The following BTBD7 variants were observed in gnomAD, a reference collection of about 807,000 sequenced individuals.
BTBD7 encodes BTB/POZ domain-containing protein 7.
Under a neutral mutation model 99.9 loss-of-function variants are expected in BTBD7, and 38 were observed. That is an observed-to-expected ratio of 0.38 (90% CI 0.29 to 0.50). The LOEUF (loss-of-function observed/expected upper bound fraction) is 0.50. Among genes scored for constraint, BTBD7 ranks in the 20% least tolerant of loss-of-function variants. BTBD7 has a pLI of 0.93. For missense variants in BTBD7, 1,170 were observed against 1,394.6 expected, an observed-to-expected ratio of 0.84 and a Z score of 2.57; for synonymous variants, 520 against 511.4, an observed-to-expected ratio of 1.02 and a Z score of -0.23.
intron 3 of BTBD7, among the ~76,000 whole-genome samples, chr14:93,270,542 A>C (rs756508722): frequency 6.6e-6 from 1 of 152,006 alleles, no homozygotes; most frequent in Non-Finnish European, 1.5e-5. Flanking sequence ...AAAATACAAG[A>C]ATTAGCTGGG....
At chr14:93,316,826 C>A (rs1020262636) in intron 1 of BTBD7, among the ~76,000 whole-genome samples, 1 of 152,006 alleles carries the variant, frequency 6.6e-6, no homozygotes, top group South Asian at 2.1e-4. Context: ...TGAGAAAATG[C>A]CCATGTAACA....
At chr14:93,268,060 C>G (rs748530562) in intron 3 of BTBD7, among the ~76,000 whole-genome samples, 2 of 152,208 alleles carry the variant, frequency 1.3e-5, no homozygotes, top group Non-Finnish European at 2.9e-5. Flanking sequence ...CCCAGCCCAT[C>G]CCTGCGCAGA....
rs770210125 is a variant in BTBD7 at position 93,251,608 on chromosome 14, G to A, written c.1797C>T (p.Arg599=). The change falls in exon 8 of 11, where the codon CGC becomes CGT. Residue 599 remains arginine, a synonymous_variant. Transcript: ENST00000334746. ...CATTGGACATTCTAACCATTCGCAA[G>A]CGCACAAGATCCGTTTGTTCCACCA... is the stretch of plus-strand genomic sequence containing the variant. The part of the protein sequence containing the change: ...EMMVEQTDLV[R]LRMVRMSNVP... The A allele has an allele frequency of 1.2e-6, 2 of 1,613,446 alleles. No homozygotes were observed. The highest frequency in any genetic ancestry group is 1.3e-5 in the African/African-American group (1 of 75,022).
chr14:93,285,645 C>G (rs1052500291), intron 3 of BTBD7, among the ~76,000 whole-genome samples: 1 of 152,122 alleles, frequency 6.6e-6, no homozygotes, highest in Admixed American at 6.5e-5. Flanking sequence ...AAAAAATTAC[C>G]AATGAATGGT....
chr14:93,281,166 C>CTTTT (rs566864647), intron 3 of BTBD7, among the ~76,000 whole-genome samples: 5 of 138,094 alleles, frequency 3.6e-5, no homozygotes, highest in East Asian at 2.1e-4. Flanking sequence ...ATGCCTGGCT[C>CTTTT]TTTTTTTTTT....
rs2052218279 is a variant in BTBD7, at chr14:93,240,910, T to C, written c.*1363A>G. On this transcript the variant is annotated 3_prime_UTR_variant, in exon 11 of 11. Coordinates refer to ENST00000334746, the MANE Select transcript of BTBD7 (RefSeq NM_001002860.4). ...CCTTTTTTCTGTTGGTGAGAAAGCA[T>C]TATGCATTACACAACACCAAAATTT... 6.6e-6 allele frequency: 1 copy of C among 152,632 alleles called. No homozygotes were observed. The highest frequency in any genetic ancestry group is 2.1e-4 in the South Asian group (1 of 4,828). 9.5% of individuals were successfully genotyped at this position (152,632 alleles called of 1,614,324 possible).
At chr14:93,301,214 A>AG (rs1453254038) in intron 1 of BTBD7, among the ~76,000 whole-genome samples, 1 of 151,224 alleles carries the variant, frequency 6.6e-6, no homozygotes, top group Non-Finnish European at 1.5e-5. Flanking sequence ...TTTTTGAGAC[A>AG]GAATTTCATT....
chr14:93,264,459 C>T (rs1481691584), intron 3 of BTBD7, among the ~76,000 whole-genome samples: 2 of 152,154 alleles, frequency 1.3e-5, no homozygotes, highest in Non-Finnish European at 2.9e-5. Context: ...GAAAACATAG[C>T]ACCTTGCATT....
intron 1 of BTBD7, among the ~76,000 whole-genome samples, chr14:93,301,455 G>C: frequency 6.6e-6 from 1 of 152,054 alleles, no homozygotes; most frequent in East Asian, 1.9e-4. Flanking sequence ...CCTCCCAAAT[G>C]CTGGGATTAC....
At chr14:93,330,133 T>C (rs1491002215) in intron 1 of BTBD7, among the ~76,000 whole-genome samples, 2 of 152,222 alleles carry the variant, frequency 1.3e-5, no homozygotes, top group Non-Finnish European at 2.9e-5. Context: ...CAGGTTTACC[T>C]TCCTGGTTTA....
chr14:93,331,504 C>G (rs967554491), intron 1 of BTBD7, among the ~76,000 whole-genome samples: 2 of 152,186 alleles, frequency 1.3e-5, no homozygotes, highest in Admixed American at 6.5e-5. Flanking sequence ...AAAGCAATTT[C>G]AAGTCTTTCT....
intron 3 of BTBD7, among the ~76,000 whole-genome samples, chr14:93,276,520 G>C (rs1035456278): frequency 3.6e-4 from 55 of 152,198 alleles, no homozygotes; most frequent in Non-Finnish European, 1.6e-4. Flanking sequence ...TTAAAAAAAA[G>C]TACCACCAGG....
intron 3 of BTBD7, among the ~76,000 whole-genome samples, chr14:93,264,916 A>G (rs980072649): frequency 1.8e-4 from 28 of 152,168 alleles, no homozygotes; most frequent in Non-Finnish European, 3.7e-4. Context: ...TCTGGCCAAC[A>G]TGGTGAAACC....
At position 93,294,927 on chromosome 14, in the gene BTBD7, G is replaced by C; in HGVS notation, c.93C>G (p.Ser31=). The C allele has an allele frequency of 1.3e-6, 2 of 1,548,844 alleles. No individual in the cohort carries two copies. Among genetic ancestry groups the C allele is most frequent in the Non-Finnish European group, 1.7e-6 (2 of 1,152,682 alleles). Reference sequence around the variant, plus strand: ...CGCAACCATAGCCTTGCTGAGAATAGGATGAGGTCCCTAAGAAAAAAATTA... The same window carrying C: ...CGCAACCATAGCCTTGCTGAGAATACGATGAGGTCCCTAAGAAAAAAATTA... ...QAQQTFIGTS[S]YSQQGYGCES... The change falls in exon 3 of 11, where the codon TCC becomes TCG. Residue 31 remains serine, a synonymous_variant. Transcript: ENST00000334746.
intron 3 of BTBD7, among the ~76,000 whole-genome samples, chr14:93,265,978 A>C (rs1240090846): frequency 3.9e-5 from 6 of 152,210 alleles, no homozygotes; most frequent in Non-Finnish European, 8.8e-5. Context: ...AGTATGTTTC[A>C]AAATCTTCAG....
rs10548430 is a variant in BTBD7, at chr14:93,290,511, CTTTTTTTTTTT to C, written c.1162+3336_1162+3346del. Among the ~76,000 whole-genome samples the C allele has an allele frequency of 6.1e-3, 466 of 76,550 alleles. 15 individuals are homozygous for C. The South Asian group carries it at 0.13, about 22-fold the overall frequency. 50.2% of individuals were successfully genotyped at this position (76,550 alleles called of 152,430 possible). A position where few individuals can be genotyped will look rare whatever the true frequency, so the allele number is the denominator to read the frequency against. ...ACAGGCGTGACCCACTGCACTTGGC[CTTTTTTTTTTT>C]TTTTTTTTTTTTTAAGACAAAGTCT... On this transcript the variant is annotated intron_variant, in intron 3 of 10. Coordinates refer to ENST00000334746, the MANE Select transcript of BTBD7 (RefSeq NM_001002860.4).
intron 3 of BTBD7, among the ~76,000 whole-genome samples, chr14:93,281,240 G>T (rs965180985): frequency 6.6e-6 from 1 of 150,436 alleles, no homozygotes; most frequent in African/African-American, 2.5e-5. Flanking sequence ...GGACTCAAGC[G>T]ATCTGCCTGC....
In BTBD7 at chr14:93,242,086, TAAAA is replaced by T. The variant is rs780432278; in HGVS notation, c.*183_*186del. The T allele has an allele frequency of 8.2e-6, 4 of 486,358 alleles. No homozygotes were observed. The highest frequency in any genetic ancestry group is 7.1e-6 in the Non-Finnish European group (2 of 282,416). 30.1% of individuals were successfully genotyped at this position (486,358 alleles called of 1,614,324 possible). ...AAGACAAATTAGACAGATGCAACAT[TAAAA>T]AAAAAAAACAAAACCTTCTTAGCAT... On this transcript the variant is annotated 3_prime_UTR_variant, in exon 11 of 11. Coordinates refer to ENST00000334746, the MANE Select transcript of BTBD7 (RefSeq NM_001002860.4).
At chr14:93,275,657 C>G (rs2052647482) in intron 3 of BTBD7, among the ~76,000 whole-genome samples, 1 of 152,158 alleles carries the variant, frequency 6.6e-6, no homozygotes, top group Non-Finnish European at 1.5e-5. Context: ...ACCTAGGGTA[C>G]ACAGTATATA....
Sources: allele counts gnomAD v4.1 joint callset (sites outside exome capture counted in the v4.1 genomes callset), GRCh38; gene constraint gnomAD v4.1.1; transcripts MANE v1.5; gene names NCBI Gene and HGNC (gene_info 2026-07-23, HGNC 2026-07-21).